The following YTHDF3 variants were observed in gnomAD, a reference collection of about 807,000 sequenced individuals.
YTHDF3 encodes the protein YTH N6-methyladenosine RNA binding protein F3, also known as YTH domain-containing family protein 3.
A neutral mutation model predicts 52.5 loss-of-function variants in YTHDF3; 9 were observed. The observed-to-expected ratio is 0.17, with a 90% confidence interval of 0.10 to 0.30. The LOEUF (loss-of-function observed/expected upper bound fraction) is 0.30. Among genes scored for constraint, YTHDF3 ranks in the 10% least tolerant of loss-of-function variants. YTHDF3 has a pLI of 1.00. For synonymous variants in YTHDF3, 274 were observed against 243.3 expected (o/e 1.13, Z -1.18); for missense variants, 534 against 715.0 (o/e 0.75, Z 2.89).
chr8:63,192,251 T>C (rs1336210178), intron 4 of YTHDF3, among the ~76,000 whole-genome samples: 3 of 152,196 alleles, frequency 2.0e-5, no homozygotes, highest in African/African-American at 7.2e-5. Context: ...GGGCTTTTTG[T>C]GTTTAGTCAT....
At position 63,211,597 on chromosome 8, in the gene YTHDF3, G is replaced by A. The variant is rs760754385; in HGVS notation, c.*1891G>A. Reference sequence around the variant, plus strand: ...GAAGGATCTGAGTCCTCCCCCTGAGGTTCTCTTTTTCTTGGTGCTTTATTA... The same window carrying A: ...GAAGGATCTGAGTCCTCCCCCTGAGATTCTCTTTTTCTTGGTGCTTTATTA... On this transcript the variant is annotated 3_prime_UTR_variant, in exon 5 of 5. Coordinates refer to ENST00000539294, the MANE Select transcript of YTHDF3 (RefSeq NM_152758.6). 6.6e-6 allele frequency: 1 copy of A among 152,450 alleles called. No individual in the cohort carries two copies. The highest frequency in any genetic ancestry group is 1.5e-5 in the Non-Finnish European group (1 of 67,972). 9.4% of individuals were successfully genotyped at this position (152,450 alleles called of 1,614,324 possible). A position where few individuals can be genotyped will look rare whatever the true frequency, so the allele number is the denominator to read the frequency against.
At chr8:63,172,279 G>A (rs924924281) in intron 2 of YTHDF3, among the ~76,000 whole-genome samples, 1 of 152,074 alleles carries the variant, frequency 6.6e-6, no homozygotes, top group African/African-American at 2.4e-5. Context: ...TACTATGGTT[G>A]GAAGTGTCAG....
chr8:63,173,220 A>ATATATATATATATCTATATATACAC, intron 2 of YTHDF3, among the ~76,000 whole-genome samples: 1 of 148,626 alleles, frequency 6.7e-6, no homozygotes, highest in African/African-American at 2.5e-5. Context: ...ATATACAGAT[A>ATATATATATATATCTATATATACAC]AATTTTAAGT....
rs1299957857 is a variant in YTHDF3, at chr8:63,168,924, C to T, written c.24+23C>T. On this transcript the variant is annotated intron_variant, in intron 1 of 4. Coordinates refer to ENST00000539294, the MANE Select transcript of YTHDF3 (RefSeq NM_152758.6). ...CAGGTGAGGGAGCAGAGGCCCCAGG[C>T]TTGGCGAAGGCCCGAGCCCCGGAGC... 5 of 1,548,656 alleles carry T rather than the reference C, an allele frequency of 3.2e-6. No individual in the cohort carries two copies. In the East Asian group the frequency reaches 9.8e-5, roughly 30 times the overall value.
chr8:63,199,510 C>T (rs1809461815), intron 4 of YTHDF3, among the ~76,000 whole-genome samples: 1 of 152,170 alleles, frequency 6.6e-6, no homozygotes, highest in Non-Finnish European at 1.5e-5. Flanking sequence ...TCAGCAAATA[C>T]ATGATAACTT....
intron 4 of YTHDF3, among the ~76,000 whole-genome samples, chr8:63,195,112 T>G (rs1809151545): frequency 6.6e-6 from 1 of 152,228 alleles, no homozygotes; most frequent in South Asian, 2.1e-4. Context: ...TGTCTGCTTA[T>G]ATAAAACTTG....
chr8:63,208,911 A>G (rs202037654), intron 4 of YTHDF3, among the ~76,000 whole-genome samples: 1 of 152,164 alleles, frequency 6.6e-6, no homozygotes, highest in African/African-American at 2.4e-5. Flanking sequence ...CTTGTTGCCC[A>G]GCCTGGAGTG....
intron 3 of YTHDF3, among the ~76,000 whole-genome samples, chr8:63,184,258 G>C (rs548553033): frequency 6.6e-6 from 1 of 152,310 alleles, no homozygotes; most frequent in South Asian, 2.1e-4. Context: ...TTAACATCCA[G>C]TGTATTTGAA....
chr8:63,201,116 A>T (rs2150394500), intron 4 of YTHDF3, among the ~76,000 whole-genome samples: 1 of 152,366 alleles, frequency 6.6e-6, no homozygotes, highest in East Asian at 1.9e-4. Context: ...GTTTTTAAGC[A>T]AGGAAGTTAC....
intron 1 of YTHDF3, chr8:63,169,168 G>T (rs2129937006): frequency 7.1e-7 from 1 of 1,405,518 alleles, no homozygotes; most frequent in Non-Finnish European, 9.4e-7. Context: ...GACATGGGGC[G>T]GAGACCGGGC....
chr8:63,180,432 C>T (rs933949202), intron 3 of YTHDF3, among the ~76,000 whole-genome samples: 7 of 149,986 alleles, frequency 4.7e-5, no homozygotes, highest in African/African-American at 1.5e-4. Flanking sequence ...CGGGAAGAGG[C>T]GCTCCTCACT....
chr8:63,205,502 T>G (rs1160353614), intron 4 of YTHDF3, among the ~76,000 whole-genome samples: 3 of 151,798 alleles, frequency 2.0e-5, no homozygotes, highest in Non-Finnish European at 4.4e-5. Context: ...GGTGCAATCT[T>G]GGCTCACTGC....
intron 4 of YTHDF3, among the ~76,000 whole-genome samples, chr8:63,204,474 G>C (rs1198454917): frequency 1.3e-5 from 2 of 150,010 alleles, no homozygotes; most frequent in Non-Finnish European, 2.9e-5. Flanking sequence ...CGATTTTCCT[G>C]CCTCGGCCTT....
intron 3 of YTHDF3, among the ~76,000 whole-genome samples, chr8:63,179,063 G>T (rs946021380): frequency 4.6e-5 from 7 of 152,084 alleles, no homozygotes; most frequent in South Asian, 2.1e-4. Context: ...AAATTGCTTT[G>T]TATACTTAGA....
chr8:63,205,843 G>A (rs1809993467), intron 4 of YTHDF3, among the ~76,000 whole-genome samples: 1 of 152,144 alleles, frequency 6.6e-6, no homozygotes, highest in Non-Finnish European at 1.5e-5. Context: ...AGTCCACCTT[G>A]CTGATATAAA....
chr8:63,178,771 C>A (rs186896500), intron 3 of YTHDF3, among the ~76,000 whole-genome samples: 1 of 152,030 alleles, frequency 6.6e-6, no homozygotes, highest in Non-Finnish European at 1.5e-5. Context: ...AAAGGTAAGT[C>A]GTATGAGAAT....
At chr8:63,175,231 C>T in intron 2 of YTHDF3, 100 bp from the exon 3 acceptor site, 1 of 803,306 alleles carries the variant, frequency 1.2e-6, no homozygotes, top group Non-Finnish European at 2.0e-6. Context: ...ATTATTTTTT[C>T]TGATTACTTT....
chr8:63,203,049 G>A (rs963358692), intron 4 of YTHDF3, among the ~76,000 whole-genome samples: 2 of 151,922 alleles, frequency 1.3e-5, no homozygotes, highest in Non-Finnish European at 2.9e-5. Flanking sequence ...TGGGACCAGC[G>A]TGGCCATCAT....
At chr8:63,169,623 G>A in intron 2 of YTHDF3, 1 of 577,152 alleles carries the variant, frequency 1.7e-6, no homozygotes, top group Non-Finnish European at 3.1e-6. Flanking sequence ...AGTAGTACGA[G>A]AAACAGTTTC....
Sources: gnomAD v4.1 joint callset for allele counts (sites outside exome capture counted in the v4.1 genomes callset) on GRCh38, gnomAD v4.1.1 for gene constraint, MANE v1.5 for transcripts, NCBI Gene and HGNC (gene_info 2026-07-23, HGNC 2026-07-21) for gene names.